Variants in ARFIP1 observed in about 807,000 individuals in gnomAD.
The protein encoded by ARFIP1 is ARF interacting protein 1.
Under a neutral mutation model 42.5 loss-of-function variants are expected in ARFIP1, and 24 were observed. The observed-to-expected ratio is 0.57, with a 90% CI of 0.41 to 0.80. The LOEUF is 0.80. Among genes scored for constraint, ARFIP1 ranks in the 30% least tolerant of loss-of-function variants. The pLI is 0.00. For synonymous variants in ARFIP1, 141 were observed against 153.7 expected, an observed-to-expected ratio of 0.92 and a Z score of 0.61; for missense variants, 354 against 434.0, an observed-to-expected ratio of 0.82 and a Z score of 1.64.
chr4:152,880,472 C>T (rs923447866), intron 5 of ARFIP1, among the ~76,000 whole-genome samples: 8 of 152,140 alleles, frequency 5.3e-5, no homozygotes, highest in African/African-American at 1.9e-4. Flanking sequence ...CTCTCTTCCT[C>T]TTCCCCCCCG....
At chr4:152,904,630 T>G (rs1474605274) in intron 8 of ARFIP1, among the ~76,000 whole-genome samples, 3 of 152,168 alleles carry the variant, frequency 2.0e-5, no homozygotes, top group Non-Finnish European at 4.4e-5. Flanking sequence ...CTCCCACTTA[T>G]AAGTAGAACA....
chr4:152,835,661 C>T (rs1305098558), intron 2 of ARFIP1, among the ~76,000 whole-genome samples: 1 of 152,198 alleles, frequency 6.6e-6, no homozygotes, highest in African/African-American at 2.4e-5. Context: ...GCTGCTTCCA[C>T]ATATTCAGGA....
intron 1 of ARFIP1, among the ~76,000 whole-genome samples, chr4:152,804,143 C>CATGTATTATATATTATATATTATATAAG (rs1728695361): frequency 2.1e-5 from 1 of 47,704 alleles, no homozygotes; most frequent in Non-Finnish European, 3.9e-5. Flanking sequence ...TATAATATAA[C>CATGTATTATATATTATATATTATATAAG]ATGTATTATA....
chr4:152,783,866 C>T (rs536214392), intron 1 of ARFIP1, among the ~76,000 whole-genome samples: 1 of 151,888 alleles, frequency 6.6e-6, no homozygotes, highest in East Asian at 1.9e-4. Flanking sequence ...AGAACACACA[C>T]ACCTACTTGA....
chr4:152,833,663 C>T (rs6836597), intron 2 of ARFIP1, among the ~76,000 whole-genome samples: 2 of 152,152 alleles, frequency 1.3e-5, no homozygotes, highest in African/African-American at 4.8e-5. Flanking sequence ...CATACACATA[C>T]ACCCACAGAC....
chr4:152,847,312 C>T (rs1732636842), intron 2 of ARFIP1, among the ~76,000 whole-genome samples: 2 of 150,778 alleles, frequency 1.3e-5, no homozygotes, highest in Non-Finnish European at 3.0e-5. Context: ...TTTGTATTTT[C>T]AGTGGTGACA....
chr4:152,824,484 A>G (rs1299496007), intron 1 of ARFIP1, among the ~76,000 whole-genome samples: 1 of 152,226 alleles, frequency 6.6e-6, no homozygotes, highest in Non-Finnish European at 1.5e-5. Context: ...ATTTGATAAA[A>G]TTCAGCATCC....
intron 2 of ARFIP1, among the ~76,000 whole-genome samples, chr4:152,835,538 T>C (rs1296119696): frequency 6.6e-6 from 1 of 152,220 alleles, no homozygotes; most frequent in Non-Finnish European, 1.5e-5. Flanking sequence ...TATCAGCATT[T>C]TGGTCACAAC....
chr4:152,782,386 A>G (rs1730560726), intron 1 of ARFIP1, among the ~76,000 whole-genome samples: 2 of 152,180 alleles, frequency 1.3e-5, no homozygotes, highest in African/African-American at 4.8e-5. Flanking sequence ...GACTTACAGA[A>G]GGAAATGAGG....
At position 152,911,906 on chromosome 4, in the gene ARFIP1, C is replaced by T. The variant is rs1360447886; in HGVS notation, c.*1687C>T. ...GTATTCTTATTAAACGTGTTTGCTG[C>T]AGTAAATCGTTTCTCTGGACCTTCA... On this transcript the variant is annotated 3_prime_UTR_variant, in exon 9 of 9. Coordinates refer to ENST00000353617, the MANE Select transcript of ARFIP1 (RefSeq NM_001025595.3). The T allele has an allele frequency of 6.6e-6, 1 of 152,462 alleles. No homozygotes were observed. The highest frequency in any genetic ancestry group is 1.5e-5 in the Non-Finnish European group (1 of 67,998). The allele number at this position is 152,462 out of a possible 1,614,324, so 9.4% of individuals were successfully genotyped here.
intron 2 of ARFIP1, among the ~76,000 whole-genome samples, chr4:152,830,752 G>A (rs1731191329): frequency 6.6e-6 from 1 of 152,114 alleles, no homozygotes; most frequent in Non-Finnish European, 1.5e-5. Context: ...TTTAATAGAT[G>A]CCAGTAGTAC....
At chr4:152,878,484 C>G (rs760449043) in intron 5 of ARFIP1, among the ~76,000 whole-genome samples, 4 of 152,330 alleles carry the variant, frequency 2.6e-5, no homozygotes, top group Non-Finnish European at 4.4e-5. Flanking sequence ...ACTACAACTT[C>G]CTTTACAAAG....
At chr4:152,903,530 A>C (rs1464080676) in intron 8 of ARFIP1, among the ~76,000 whole-genome samples, 1 of 151,956 alleles carries the variant, frequency 6.6e-6, no homozygotes, top group Non-Finnish European at 1.5e-5. Context: ...AAAATTGTGA[A>C]TCCTCAAAGG....
At chr4:152,852,501 C>T (rs1037894659) in intron 2 of ARFIP1, among the ~76,000 whole-genome samples, 8 of 151,980 alleles carry the variant, frequency 5.3e-5, no homozygotes, top group Non-Finnish European at 8.8e-5. Flanking sequence ...GGTGTGGCAG[C>T]GTGTGCCTAT....
intron 8 of ARFIP1, among the ~76,000 whole-genome samples, chr4:152,895,097 T>C (rs935106028): frequency 5.9e-5 from 9 of 152,142 alleles, no homozygotes; most frequent in Non-Finnish European, 1.2e-4. Flanking sequence ...TAGGGAAAAG[T>C]TTAATATCAG....
intron 8 of ARFIP1, among the ~76,000 whole-genome samples, chr4:152,899,308 T>C (rs1388966896): frequency 6.6e-6 from 1 of 152,124 alleles, no homozygotes; most frequent in Non-Finnish European, 1.5e-5. Flanking sequence ...TCCCCTCCTC[T>C]TTCTATTCCC....
chr4:152,822,296 TAAAAAAAAAA>T (rs70949618), intron 1 of ARFIP1, among the ~76,000 whole-genome samples: 27 of 65,580 alleles, frequency 4.1e-4, no homozygotes, highest in African/African-American at 1.4e-3. Context: ...GCAACAGCAG[TAAAAAAAAAA>T]AAAAAAAAAA....
At chr4:152,798,289 G>C (rs780331976) in intron 1 of ARFIP1, among the ~76,000 whole-genome samples, 2 of 152,166 alleles carry the variant, frequency 1.3e-5, no homozygotes, top group African/African-American at 4.8e-5. Context: ...GGTAGAAATG[G>C]TGGGCATCTT....
rs139738173 is a variant in ARFIP1, at chr4:152,793,944, C to T, written c.-10+13718C>T. Among the ~76,000 whole-genome samples the T allele has an allele frequency of 2.6e-3, 392 of 152,240 alleles. 1 individual carries two copies. Among genetic ancestry groups the T allele is most frequent in the African/African-American group, 9.0e-3 (375 of 41,552 alleles). On this transcript the variant is annotated intron_variant, in intron 1 of 8. Transcript: ENST00000353617. Reference sequence around the variant, plus strand: ...TCCTTCTTCCTTTATTCTGGCCTCACTGGAAGAGATTTTCTTCTTTTATTT... The same window carrying T: ...TCCTTCTTCCTTTATTCTGGCCTCATTGGAAGAGATTTTCTTCTTTTATTT...
Sources: gnomAD v4.1 joint callset for allele counts (sites outside exome capture counted in the v4.1 genomes callset) on GRCh38, gnomAD v4.1.1 for gene constraint, MANE v1.5 for transcripts, NCBI Gene and HGNC (gene_info 2026-07-23, HGNC 2026-07-21) for gene names.